Variants in ELMO1 observed in about 807,000 individuals in gnomAD.
ELMO1 encodes the protein engulfment and cell motility protein 1.
In ELMO1, 26 loss-of-function variants were observed where a neutral mutation model predicts 98.9. That is an observed-to-expected ratio of 0.26 (90% confidence interval 0.19 to 0.36). ELMO1 has a LOEUF of 0.36. Ranked by LOEUF, ELMO1 falls within the 10% of genes least tolerant of loss-of-function variation. ELMO1 has a pLI of 1.00. For synonymous variants in ELMO1, 346 were observed against 346.0 expected (o/e 1.00, Z 0.00); for missense variants, 627 against 935.2 (o/e 0.67, Z 4.30).
chr7:37,217,675 C>A (rs143460759), intron 10 of ELMO1: 6 of 456,806 alleles, frequency 1.3e-5, no homozygotes, highest in Admixed American at 7.0e-5. Flanking sequence ...AGAGCAGGGC[C>A]CACTTTACGC....
rs551298211 is a variant in ELMO1, at chr7:37,017,440, C to T, written c.1301-4005G>A. On this transcript the variant is annotated intron_variant, in intron 15 of 21. Coordinates refer to ENST00000310758, the MANE Select transcript of ELMO1 (RefSeq NM_014800.11). ...AACAATGTGCCCAGCTAAAAAAGTA[C>T]AATTTGCGCCTCCCTTGTGATTAAG... is the stretch of plus-strand genomic sequence containing the variant. Among the ~76,000 whole-genome samples the T allele has an allele frequency of 2.0e-5, 3 of 152,312 alleles. No homozygotes were observed. In the East Asian group the frequency reaches 5.8e-4, roughly 29 times the overall value.
chr7:37,171,986 T>TA (rs143770804), intron 13 of ELMO1, among the ~76,000 whole-genome samples: 6,222 of 152,216 alleles, frequency 0.041, 437 homozygotes, highest in African/African-American at 0.14. Flanking sequence ...GTAAAGTTAG[T>TA]AAAAATATTT....
At chr7:37,334,828 G>A (rs909435131) in intron 2 of ELMO1, among the ~76,000 whole-genome samples, 2 of 152,138 alleles carry the variant, frequency 1.3e-5, no homozygotes, top group Non-Finnish European at 2.9e-5. Flanking sequence ...AAAACTGCAG[G>A]CAATCACACT....
chr7:37,204,943 T>G (rs1307420504), intron 13 of ELMO1, among the ~76,000 whole-genome samples: 2 of 152,016 alleles, frequency 1.3e-5, no homozygotes, highest in Non-Finnish European at 2.9e-5. Flanking sequence ...GTCCCCTACC[T>G]GATTAGCTAG....
At chr7:37,377,673 C>CT (rs1802409296) in intron 1 of ELMO1, among the ~76,000 whole-genome samples, 1 of 152,084 alleles carries the variant, frequency 6.6e-6, no homozygotes, top group South Asian at 2.1e-4. Context: ...AATTTAGGGT[C>CT]TGAAGGGATT....
In ELMO1 at chr7:37,400,297, G is replaced by A. The variant is rs530579963; in HGVS notation, c.-74+48378C>T. On this transcript the variant is annotated intron_variant, in intron 1 of 21. Coordinates refer to ENST00000310758, the MANE Select transcript of ELMO1 (RefSeq NM_014800.11). ...CAGTGTGCCTTCCAGGATCAGGCAG[G>A]CAGAATCCGCATCGGTACACTGTCC... Among the ~76,000 whole-genome samples the A allele has an allele frequency of 1.7e-4, 26 of 152,184 alleles. No individual in the cohort carries two copies. In the East Asian group the frequency reaches 5.0e-3, roughly 29 times the overall value.
intron 15 of ELMO1, among the ~76,000 whole-genome samples, chr7:37,075,602 A>G (rs1377155590): frequency 6.6e-6 from 1 of 152,196 alleles, no homozygotes; most frequent in Non-Finnish European, 1.5e-5. Flanking sequence ...AAGGATGGAC[A>G]CTGTCCTTTT....
Position 37,201,273 on chromosome 7 carries a change from C to T in ELMO1, c.1086+10113G>A, listed in dbSNP as rs375360297. On this transcript the variant is annotated intron_variant, in intron 13 of 21. Transcript: ENST00000310758. ...CTACCCTGCCCTCCTCACGTTATTACTGTCACATATTTTAATAATGGGACA... is the reference window on the plus strand; with the variant it reads ...CTACCCTGCCCTCCTCACGTTATTATTGTCACATATTTTAATAATGGGACA... 4.9e-4 allele frequency among the ~76,000 whole-genome samples: 75 copies of T among 152,338 alleles called. 1 individual carries two copies. Among genetic ancestry groups the T allele is most frequent in the African/African-American group, 1.5e-3 (61 of 41,574 alleles).
intron 15 of ELMO1, among the ~76,000 whole-genome samples, chr7:37,068,697 A>C (rs531296388): frequency 3.9e-4 from 60 of 152,324 alleles, no homozygotes; most frequent in African/African-American, 1.3e-3. Context: ...TAATGATATA[A>C]TGAAACTAAG....
chr7:37,138,285 T>C (rs922143698), intron 13 of ELMO1, among the ~76,000 whole-genome samples: 9 of 83,800 alleles, frequency 1.1e-4, no homozygotes, highest in Non-Finnish European at 2.1e-4. Flanking sequence ...GATATGCTGG[T>C]TCTTTGAAAA....
At chr7:36,941,605 C>T (rs1182430000) in intron 16 of ELMO1, among the ~76,000 whole-genome samples, 1 of 152,212 alleles carries the variant, frequency 6.6e-6, no homozygotes, top group African/African-American at 2.4e-5. Flanking sequence ...ATGAATTTCT[C>T]AGTTCCCTTT....
chr7:37,293,089 A>G (rs1296872902), intron 4 of ELMO1, among the ~76,000 whole-genome samples: 2 of 8,452 alleles, frequency 2.4e-4, no homozygotes, highest in African/African-American at 2.8e-4. Context: ...TCCGGGAGGG[A>G]GGTGGGGGGG....
At chr7:36,936,323 A>C (rs996802199) in intron 16 of ELMO1, among the ~76,000 whole-genome samples, 1 of 152,190 alleles carries the variant, frequency 6.6e-6, no homozygotes, top group Non-Finnish European at 1.5e-5. Context: ...TGAGCAATAA[A>C]GCTGCCACAC....
chr7:37,342,967 G>A lies in ELMO1; in HGVS notation c.-73-204C>T, dbSNP rs867021958. On this transcript the variant is annotated intron_variant, in intron 1 of 21. Transcript: ENST00000310758. This position sits in a 1 kb window ranked among gnomAD's most constrained non-coding sequence, Gnocchi z 4.3. ...GAAAGATGGGGGTGCCCGTGCCAAC[G>A]CCCTTGAGTCAAAGCCGCCAGGAGA... The A allele has an allele frequency of 2.4e-5, 9 of 372,892 alleles. No homozygotes were observed. Among genetic ancestry groups the A allele is most frequent in the Middle Eastern group, 7.1e-4 (1 of 1,418 alleles). The allele number at this position is 372,892 out of a possible 1,614,324, so 23.1% of individuals were successfully genotyped here.
At chr7:37,088,821 AC>A (rs1783918060) in intron 15 of ELMO1, among the ~76,000 whole-genome samples, 1 of 152,202 alleles carries the variant, frequency 6.6e-6, no homozygotes, top group South Asian at 2.1e-4. Context: ...TTTAATTTAG[AC>A]CAAAAGTGTC....
At chr7:37,122,432 A>G (rs1010334586) in intron 14 of ELMO1, among the ~76,000 whole-genome samples, 2 of 152,166 alleles carry the variant, frequency 1.3e-5, no homozygotes, top group Admixed American at 1.3e-4. Context: ...AAATAAAGGG[A>G]TGGAGGAAGA....
chr7:37,390,560 G>C (rs930747841), intron 1 of ELMO1, among the ~76,000 whole-genome samples: 11 of 152,096 alleles, frequency 7.2e-5, no homozygotes, highest in Admixed American at 5.9e-4. Context: ...GTTTTGAATA[G>C]CATGTGTTTC....
intron 1 of ELMO1, chr7:37,429,865 A>G (rs1804860010): frequency 6.6e-6 from 1 of 152,268 alleles, no homozygotes; most frequent in South Asian, 2.1e-4. Flanking sequence ...GCTTCAGACT[A>G]CAATTACCTG....
intron 11 of ELMO1, among the ~76,000 whole-genome samples, chr7:37,215,356 G>A (rs1793220200): frequency 6.6e-6 from 1 of 152,056 alleles, no homozygotes; most frequent in Non-Finnish European, 1.5e-5. Flanking sequence ...AGGGGGGATA[G>A]TGTGTGTGTG....
Sources: allele counts gnomAD v4.1 joint callset (sites outside exome capture counted in the v4.1 genomes callset), GRCh38; gene constraint gnomAD v4.1.1; non-coding constraint Gnocchi (gnomAD v3.1); transcripts MANE v1.5; gene names NCBI Gene and HGNC (gene_info 2026-07-23, HGNC 2026-07-21).